The following LSP1 variants were observed in gnomAD, a reference collection of about 807,000 sequenced individuals.
LSP1 encodes lymphocyte-specific protein 1.
In LSP1, 32 loss-of-function variants were observed where a neutral mutation model predicts 49.3. The ratio of observed to expected loss-of-function variants is 0.65; its 90% CI spans 0.49 to 0.87. The LOEUF (loss-of-function observed/expected upper bound fraction) is 0.87. Ranked by LOEUF, LSP1 falls within the 40% of genes least tolerant of loss-of-function variation. LSP1 has a pLI of 0.00. For missense variants in LSP1, 428 were observed against 442.6 expected (o/e 0.97, Z 0.30); for synonymous variants, 179 against 178.8 (o/e 1.00, Z -0.01).
rs200818758 is a variant in LSP1, at chr11:1,884,192, T to C, written c.592-88T>C. On this transcript the variant is annotated intron_variant, in intron 5 of 10. Transcript: ENST00000311604. This position sits in a 1 kb window ranked among gnomAD's most constrained non-coding sequence, Gnocchi z 4.1. ...ACCCCCATGATATAAGGGTTGGGGG[T>C]TGGATTAGTGGTTGGAGTAGCTGGG... The C allele has an allele frequency of 6.6e-7, 1 of 1,521,110 alleles. No homozygotes were observed. The allele number at this position is 1,521,110 out of a possible 1,614,324, so 94.2% of individuals were successfully genotyped here. A position where few individuals can be genotyped will look rare whatever the true frequency, so the allele number is the denominator to read the frequency against.
At chr11:1,875,041 G>T (rs547648591) in intron 1 of LSP1, among the ~76,000 whole-genome samples, 3 of 152,156 alleles carry the variant, frequency 2.0e-5, no homozygotes, top group African/African-American at 2.4e-5. Context: ...CTCCTTTCTC[G>T]CGGCCTCCCT....
intron 10 of LSP1, chr11:1,890,111 T>A (rs1323828490): frequency 1.4e-6 from 1 of 716,942 alleles, no homozygotes; most frequent in East Asian, 2.7e-5. Context: ...GGGTAGGTTC[T>A]GGGGCCGAGG....
chr11:1,853,592 G>A (rs1847415048), intron 1 of LSP1, among the ~76,000 whole-genome samples: 1 of 152,320 alleles, frequency 6.6e-6, no homozygotes, highest in South Asian at 2.1e-4. Context: ...GCTGTTCTGG[G>A]ATGGGTGGAA....
chr11:1,866,894 C>A, intron 1 of LSP1: 2 of 1,521,318 alleles, frequency 1.3e-6, no homozygotes, highest in Non-Finnish European at 1.8e-6. Flanking sequence ...GCGGGCCCAG[C>A]ACCAACTGCA....
At chr11:1,862,760 A>G (rs955147567) in intron 1 of LSP1, among the ~76,000 whole-genome samples, 2 of 149,330 alleles carry the variant, frequency 1.3e-5, no homozygotes, top group Non-Finnish European at 3.0e-5. Context: ...CCCCTAGGTA[A>G]TCTCGCCTCC....
At chr11:1,860,851 T>C (rs904143406) in intron 1 of LSP1, among the ~76,000 whole-genome samples, 4 of 152,012 alleles carry the variant, frequency 2.6e-5, no homozygotes, top group Non-Finnish European at 1.5e-5. Flanking sequence ...GAATTATGTA[T>C]GGGTGGATGA....
intron 1 of LSP1, among the ~76,000 whole-genome samples, chr11:1,860,036 T>C (rs887049553): frequency 5.3e-5 from 8 of 152,132 alleles, no homozygotes; most frequent in Non-Finnish European, 1.2e-4. Context: ...TGAAGACAGA[T>C]CCCTGCCCCT....
chr11:1,870,016 G>A (rs1031283515), intron 1 of LSP1: 4 of 392,498 alleles, frequency 1.0e-5, no homozygotes, highest in Non-Finnish European at 2.1e-5. Flanking sequence ...CGTGAGAGGT[G>A]CACCTCCGAG....
chr11:1,868,914 G>T (rs931026975), intron 1 of LSP1: 1 of 985,950 alleles, frequency 1.0e-6, no homozygotes, highest in African/African-American at 1.7e-5. Flanking sequence ...GAACCGTAAA[G>T]GGGAGGCACC....
At chr11:1,869,483 A>G (rs1847903632) in intron 1 of LSP1, among the ~76,000 whole-genome samples, 2 of 151,812 alleles carry the variant, frequency 1.3e-5, no homozygotes. Flanking sequence ...TGGTGGCAGG[A>G]TGGGAAGGGC....
intron 1 of LSP1, among the ~76,000 whole-genome samples, chr11:1,874,647 A>AGGGAGGCGCC (rs1264242112): frequency 1.3e-5 from 2 of 152,108 alleles, no homozygotes; most frequent in Non-Finnish European, 2.9e-5. Context: ...TGGATGAGCC[A>AGGGAGGCGCC]GGGAGGCGCC....
At chr11:1,872,714 C>G in intron 1 of LSP1, among the ~76,000 whole-genome samples, 1 of 149,754 alleles carries the variant, frequency 6.7e-6, no homozygotes, top group South Asian at 2.1e-4. Context: ...TGTAGTCACC[C>G]TGGCCTGCGC....
At chr11:1,883,824 G>A in intron 4 of LSP1, 108 bp from the exon 5 acceptor site, 1 of 1,128,518 alleles carries the variant, frequency 8.9e-7, no homozygotes, top group Non-Finnish European at 1.3e-6. Flanking sequence ...CAGGGCCACA[G>A]AGAACCTGGG....
At chr11:1,859,361 C>G (rs1847565536) in intron 1 of LSP1, 1 of 152,434 alleles carries the variant, frequency 6.6e-6, no homozygotes, top group South Asian at 2.1e-4. Flanking sequence ...GGTCACTCTC[C>G]TGCTCCATCC....
At chr11:1,877,226 C>A (rs1848349741) in intron 1 of LSP1, among the ~76,000 whole-genome samples, 1 of 152,106 alleles carries the variant, frequency 6.6e-6, no homozygotes, top group Admixed American at 6.5e-5. Context: ...CAGAACGGAG[C>A]CCAGCTGTGG....
chr11:1,886,224 A>T (rs1402523946), intron 7 of LSP1, among the ~76,000 whole-genome samples: 2 of 151,984 alleles, frequency 1.3e-5, no homozygotes, highest in Non-Finnish European at 2.9e-5. Context: ...TCATTGAACC[A>T]ATACGGCTCT....
intron 10 of LSP1, chr11:1,889,419 G>A (rs1333941880): frequency 1.5e-6 from 1 of 673,924 alleles, no homozygotes; most frequent in Non-Finnish European, 2.8e-6. Context: ...GGCCCGGGGT[G>A]CGGTGAGGGC....
chr11:1,868,558 G>A, intron 1 of LSP1: 2 of 732,250 alleles, frequency 2.7e-6, no homozygotes, highest in Non-Finnish European at 3.3e-6. Context: ...TGCTGGGCTG[G>A]CCCTGAGGGG....
In LSP1 at chr11:1,886,831, C is replaced by T. The variant is rs1406940697; in HGVS notation, c.817C>T (p.Gln273Ter). The T allele has an allele frequency of 1.2e-6, 2 of 1,611,698 alleles. No homozygotes were observed. Among genetic ancestry groups the T allele is most frequent in the Admixed American group, 1.7e-5 (1 of 59,996 alleles). The change falls in exon 8 of 11, where the codon CAG becomes TAG. Residue 273 changes from glutamine (Q) to a stop codon, truncating the protein, a stop_gained. Coordinates refer to ENST00000311604, the MANE Select transcript of LSP1 (RefSeq NM_002339.3). LOFTEE classifies it high-confidence loss of function. ...GAGTCGGTGGGAGACGGGTGAGGTA[C>T]AGGCTCAGTCTGCGGCCAAGACTCC... ...TKSRWETGEV[Q>*]AQSAAKTPSC...
Sources: allele counts gnomAD v4.1 joint callset (sites outside exome capture counted in the v4.1 genomes callset), GRCh38; gene constraint gnomAD v4.1.1; non-coding constraint Gnocchi (gnomAD v3.1); transcripts MANE v1.5; gene names NCBI Gene and HGNC (gene_info 2026-07-23, HGNC 2026-07-21).